Variants in TWIST2 observed in about 807,000 individuals in gnomAD.
The protein encoded by TWIST2 is twist-related protein 2.
A neutral mutation model predicts 11.6 loss-of-function variants in TWIST2; 1 was observed. That is an observed-to-expected ratio of 0.09 (90% CI 0.03 to 0.41). The LOEUF (loss-of-function observed/expected upper bound fraction) is 0.41. Among genes scored for constraint, TWIST2 ranks in the 10% least tolerant of loss-of-function variants. The pLI is 0.98. For synonymous variants in TWIST2, 87 were observed against 96.6 expected (o/e 0.90, Z 0.58); for missense variants, 168 against 226.4 (o/e 0.74, Z 1.66).
At chr2:238,877,022 C>T (rs1376226556) in intron 1 of TWIST2, among the ~76,000 whole-genome samples, 2 of 152,096 alleles carry the variant, frequency 1.3e-5, no homozygotes, top group African/African-American at 4.8e-5. Flanking sequence ...TGCTGAGACC[C>T]CCGTCTCTAC....
At chr2:238,887,477 C>T (rs902785104) in intron 1 of TWIST2, among the ~76,000 whole-genome samples, 3 of 152,206 alleles carry the variant, frequency 2.0e-5, no homozygotes, top group Admixed American at 2.0e-4. Flanking sequence ...TCTCAAATGC[C>T]ATCTACAAAT....
At chr2:238,889,065 A>G (rs1693087234) in intron 1 of TWIST2, among the ~76,000 whole-genome samples, 1 of 152,168 alleles carries the variant, frequency 6.6e-6, no homozygotes, top group Non-Finnish European at 1.5e-5. Flanking sequence ...GGCAGCAGGC[A>G]TCATAGGGCA....
At chr2:238,865,959 G>A (rs951212011) in intron 1 of TWIST2, among the ~76,000 whole-genome samples, 1 of 152,132 alleles carries the variant, frequency 6.6e-6, no homozygotes, top group Non-Finnish European at 1.5e-5. Context: ...CCCATCTCCC[G>A]GGATCTGCTG....
Position 238,856,729 on chromosome 2 carries a change from G to C in TWIST2, c.*35+7996G>C, listed in dbSNP as rs145627817. 3.9e-5 allele frequency among the ~76,000 whole-genome samples: 6 copies of C among 152,158 alleles called. No individual in the cohort carries two copies. In the South Asian group the frequency reaches 1.2e-3, roughly 32 times the overall value. On this transcript the variant is annotated intron_variant, in intron 1 of 1. Transcript: ENST00000612363. ...TCTGCTGCTGGCCATGGGAGACCCGGCACCTCTTCCTCAGTGTCCCTCAGA... is the reference window on the plus strand; with the variant it reads ...TCTGCTGCTGGCCATGGGAGACCCGCCACCTCTTCCTCAGTGTCCCTCAGA...
At chr2:238,872,859 T>C (rs867972424) in intron 1 of TWIST2, among the ~76,000 whole-genome samples, 1 of 152,330 alleles carries the variant, frequency 6.6e-6, no homozygotes, top group East Asian at 1.9e-4. Context: ...GCTGGTATCA[T>C]GTGGGGCAGC....
intron 1 of TWIST2, among the ~76,000 whole-genome samples, chr2:238,904,558 C>T (rs1693319255): frequency 6.6e-6 from 1 of 151,868 alleles, no homozygotes; most frequent in Non-Finnish European, 1.5e-5. Flanking sequence ...CATGCTGGTT[C>T]TGACTGTCCA....
chr2:238,906,236 A>G (rs1317222059), intron 1 of TWIST2, among the ~76,000 whole-genome samples: 1 of 151,684 alleles, frequency 6.6e-6, no homozygotes, highest in African/African-American at 2.4e-5. Context: ...ACACACACGG[A>G]CCCACGCACA....
chr2:238,894,000 C>G (rs1009110409), intron 1 of TWIST2, among the ~76,000 whole-genome samples: 3 of 152,242 alleles, frequency 2.0e-5, no homozygotes, highest in African/African-American at 7.2e-5. Context: ...CCTCTCCCTC[C>G]GCTTGCCCCT....
chr2:238,849,441 C>T (rs917271760), intron 1 of TWIST2, among the ~76,000 whole-genome samples: 1 of 152,178 alleles, frequency 6.6e-6, no homozygotes, highest in African/African-American at 2.4e-5. Flanking sequence ...GAGCCTGGAG[C>T]GCTGAGGCAG....
rs1264718294 is a variant in TWIST2 at position 238,856,698 on chromosome 2, CCT to C, written c.*35+7972_*35+7973del. Among the ~76,000 whole-genome samples, 7 of 152,196 alleles carry C rather than the reference CCT, an allele frequency of 4.6e-5. No homozygotes were observed. In the East Asian group the frequency reaches 1.4e-3, roughly 29 times the overall value. On this transcript the variant is annotated intron_variant, in intron 1 of 1. Coordinates refer to ENST00000612363, the MANE Select transcript of TWIST2 (RefSeq NM_001271893.4). The stretch of plus-strand genomic sequence containing the variant: ...TTCAGGATTGTGTTGGGGCCGTGTG[CCT>C]CTCTCTGCTGCTGGCCATGGGAGAC...
At chr2:238,870,844 G>C (rs1426927992) in intron 1 of TWIST2, among the ~76,000 whole-genome samples, 8 of 22,276 alleles carry the variant, frequency 3.6e-4, no homozygotes, top group South Asian at 2.0e-3. Context: ...ACCCCCACAC[G>C]CCACACACAC....
chr2:238,907,835 C>T (rs1011939731), intron 1 of TWIST2, among the ~76,000 whole-genome samples: 86 of 3,038 alleles, frequency 0.028, no homozygotes, highest in Non-Finnish European at 0.056. Context: ...CCACACACTA[C>T]ACACACACCC....
At chr2:238,905,187 T>G (rs1693326313) in intron 1 of TWIST2, among the ~76,000 whole-genome samples, 1 of 151,662 alleles carries the variant, frequency 6.6e-6, no homozygotes, top group South Asian at 2.1e-4. Flanking sequence ...GATATAGAGT[T>G]GAATGGGGCC....
At chr2:238,897,202 G>A (rs916058173) in intron 1 of TWIST2, among the ~76,000 whole-genome samples, 8 of 151,952 alleles carry the variant, frequency 5.3e-5, no homozygotes, top group Non-Finnish European at 1.0e-4. Context: ...CGTTCCTCCT[G>A]CCGCACTTCT....
chr2:238,897,719 T>C (rs1280514960), intron 1 of TWIST2, among the ~76,000 whole-genome samples: 2 of 152,198 alleles, frequency 1.3e-5, no homozygotes, highest in Non-Finnish European at 1.5e-5. Context: ...AAAAAGACAG[T>C]GCACTGGGGA....
intron 1 of TWIST2, among the ~76,000 whole-genome samples, chr2:238,875,117 T>G (rs1423138722): frequency 1.3e-5 from 2 of 152,112 alleles, no homozygotes; most frequent in Non-Finnish European, 2.9e-5. Context: ...AAATACGAAA[T>G]ACATTCATTC....
intron 1 of TWIST2, among the ~76,000 whole-genome samples, chr2:238,897,006 G>C (rs1200440708): frequency 6.6e-6 from 1 of 152,160 alleles, no homozygotes; most frequent in Non-Finnish European, 1.5e-5. Flanking sequence ...GAGCCATTCA[G>C]GGGAACGTTG....
chr2:238,896,806 A>T (rs993575802), intron 1 of TWIST2, among the ~76,000 whole-genome samples: 1 of 152,158 alleles, frequency 6.6e-6, no homozygotes, highest in Admixed American at 6.5e-5. Context: ...TTGGAGTACC[A>T]TGGGCACGTG....
rs1039988257 is a variant in TWIST2, at chr2:238,906,653, C to T, written c.*36-3189C>T. 7.2e-5 allele frequency among the ~76,000 whole-genome samples: 11 copies of T among 152,310 alleles called. No individual in the cohort carries two copies. In the South Asian group the frequency reaches 1.7e-3, roughly 23 times the overall value. ...TCACTCTCACACTAGTGGGCACACT[C>T]ACAGACACACACACGGGATGTCACC... On this transcript the variant is annotated intron_variant, in intron 1 of 1. Coordinates refer to ENST00000612363, the MANE Select transcript of TWIST2 (RefSeq NM_001271893.4).
Sources: gnomAD v4.1 joint callset for allele counts (sites outside exome capture counted in the v4.1 genomes callset) on GRCh38, gnomAD v4.1.1 for gene constraint, MANE v1.5 for transcripts, NCBI Gene and HGNC (gene_info 2026-07-23, HGNC 2026-07-21) for gene names.